The following RGS8 variants were observed in gnomAD, a reference collection of about 807,000 sequenced individuals.
The protein encoded by RGS8 is regulator of G protein signaling 8.
Under a neutral mutation model 21.7 loss-of-function variants are expected in RGS8, and 8 were observed. The ratio of observed to expected loss-of-function variants is 0.37; its 90% CI spans 0.22 to 0.66. The LOEUF is 0.66. RGS8 is among the 30% of genes least tolerant of loss of function. The pLI is 0.59. For missense variants in RGS8, 157 were observed against 217.9 expected, an observed-to-expected ratio of 0.72 and a Z score of 1.76; for synonymous variants, 80 against 83.6, an observed-to-expected ratio of 0.96 and a Z score of 0.24.
At chr1:182,688,225 A>G (rs1023737133), upstream of RGS8, among the ~76,000 whole-genome samples, 1 of 152,204 alleles carries the variant, frequency 6.6e-6, no homozygotes, top group African/African-American at 2.4e-5. Flanking sequence ...TCTTTTATTG[A>G]AATGAATTCT....
At chr1:182,687,289 G>T (rs1202508060), upstream of RGS8, among the ~76,000 whole-genome samples, 1 of 152,076 alleles carries the variant, frequency 6.6e-6, no homozygotes, top group Non-Finnish European at 1.5e-5. Flanking sequence ...GGGATCCTTG[G>T]GCCTCAGCCT....
At chr1:182,695,143 C>T in the RGS8 span, among the ~76,000 whole-genome samples, 1 of 152,088 alleles carries the variant, frequency 6.6e-6, no homozygotes, top group African/African-American at 2.4e-5. Flanking sequence ...ACCAGAAGAC[C>T]ACAATCAGAA....
At chr1:182,686,703 G>A (rs552682787), upstream of RGS8, among the ~76,000 whole-genome samples, 2 of 152,318 alleles carry the variant, frequency 1.3e-5, no homozygotes, top group Admixed American at 1.3e-4. Context: ...TGGAAGAGGA[G>A]TTGGAAATAC....
upstream of RGS8, among the ~76,000 whole-genome samples, chr1:182,688,463 G>C (rs1238797805): frequency 6.6e-6 from 1 of 152,172 alleles, no homozygotes; most frequent in African/African-American, 2.4e-5. Context: ...AGAAAAAGAG[G>C]CGAAGTGTTA....
the RGS8 span, among the ~76,000 whole-genome samples, chr1:182,746,985 C>T: frequency 7.0e-6 from 1 of 141,876 alleles, no homozygotes; most frequent in African/African-American, 2.6e-5. Context: ...CTCACTGGAT[C>T]CTCCTGTTTC....
intron 5 of RGS8, among the ~76,000 whole-genome samples, chr1:182,649,188 C>T (rs1356188585): frequency 6.6e-6 from 1 of 152,092 alleles, no homozygotes; most frequent in Non-Finnish European, 1.5e-5. Context: ...GTCTCTATCC[C>T]CTGGGTCTAC....
intron 2 of RGS8, among the ~76,000 whole-genome samples, chr1:182,670,463 A>G (rs375869992): frequency 5.3e-5 from 8 of 152,216 alleles, no homozygotes; most frequent in Admixed American, 2.0e-4. Context: ...ATTGACTTAC[A>G]GTCTTCCTCT....
At chr1:182,725,718 G>A in the RGS8 span, among the ~76,000 whole-genome samples, 2 of 152,230 alleles carry the variant, frequency 1.3e-5, no homozygotes, top group African/African-American at 2.4e-5. Context: ...TATTCAAGAA[G>A]TGATGTGTTT....
chr1:182,734,303 G>A, the RGS8 span: 3 of 152,122 alleles, frequency 2.0e-5, no homozygotes, highest in Non-Finnish European at 4.4e-5. Context: ...ATGGCCATGC[G>A]GGTTTTAATT....
chr1:182,691,621 A>C, the RGS8 span, among the ~76,000 whole-genome samples: 3 of 150,066 alleles, frequency 2.0e-5, no homozygotes, highest in Non-Finnish European at 4.4e-5. Context: ...AAAAAAAAAA[A>C]AAAAAAAAAA....
the RGS8 span, among the ~76,000 whole-genome samples, chr1:182,711,323 A>T: frequency 3.3e-5 from 5 of 152,216 alleles, no homozygotes; most frequent in South Asian, 1.0e-3. Context: ...GAGCCCCCTG[A>T]CCCCAAATAC....
the RGS8 span, among the ~76,000 whole-genome samples, chr1:182,727,125 G>A: frequency 6.6e-6 from 1 of 152,260 alleles, no homozygotes; most frequent in East Asian, 1.9e-4. Context: ...GCATTTTCTA[G>A]GTATATCTCA....
the RGS8 span, among the ~76,000 whole-genome samples, chr1:182,747,247 T>A: frequency 6.6e-6 from 1 of 151,810 alleles, no homozygotes; most frequent in Non-Finnish European, 1.5e-5. Context: ...AAGGTTATTA[T>A]GAATTGAACC....
chr1:182,699,363 A>G, the RGS8 span, among the ~76,000 whole-genome samples: 3 of 151,944 alleles, frequency 2.0e-5, no homozygotes, highest in Admixed American at 2.0e-4. Context: ...GAGTGTAGAG[A>G]GGAGGAGGTG....
chr1:182,740,692 G>T, the RGS8 span, among the ~76,000 whole-genome samples: 1 of 149,408 alleles, frequency 6.7e-6, no homozygotes, highest in African/African-American at 2.5e-5. Context: ...CTAGGCAGAG[G>T]ACCCTGCGGC....
At chr1:182,742,963 A>T in the RGS8 span, among the ~76,000 whole-genome samples, 1 of 152,210 alleles carries the variant, frequency 6.6e-6, no homozygotes, top group Non-Finnish European at 1.5e-5. Context: ...CTTATTCCTC[A>T]ATTAAAGTGG....
chr1:182,656,498 C>G (rs1394110066), intron 5 of RGS8, among the ~76,000 whole-genome samples: 2 of 152,202 alleles, frequency 1.3e-5, no homozygotes, highest in East Asian at 3.8e-4. Context: ...GTGGCTTTTT[C>G]TTGTCAAAAG....
the RGS8 span, among the ~76,000 whole-genome samples, chr1:182,742,764 A>G: frequency 9.0e-4 from 136 of 151,250 alleles, no homozygotes; most frequent in Non-Finnish European, 1.6e-3. Context: ...AGGGACAGGG[A>G]CAGGGACAGG....
At chr1:182,731,536 C>A in the RGS8 span, among the ~76,000 whole-genome samples, 1 of 152,202 alleles carries the variant, frequency 6.6e-6, no homozygotes, top group East Asian at 1.9e-4. Context: ...CTTGAAATCA[C>A]TGCTGAAAAA....
Sources: gnomAD v4.1 joint callset for allele counts (sites outside exome capture counted in the v4.1 genomes callset) on GRCh38, gnomAD v4.1.1 for gene constraint, MANE v1.5 for transcripts, NCBI Gene and HGNC (gene_info 2026-07-23, HGNC 2026-07-21) for gene names.